VWC2L: variants seen among roughly 807,000 people sequenced by gnomAD.
The protein encoded by VWC2L is von Willebrand factor C domain containing 2 like.
In VWC2L, 10 loss-of-function variants were observed where a neutral mutation model predicts 21.6. The ratio of observed to expected loss-of-function variants is 0.46; its 90% CI spans 0.29 to 0.78. VWC2L has a LOEUF of 0.78. VWC2L is among the 30% of genes least tolerant of loss of function. The pLI is 0.10. For synonymous variants in VWC2L, 96 were observed against 94.3 expected (o/e 1.02, Z -0.10); for missense variants, 209 against 277.1 (o/e 0.75, Z 1.74).
chr2:214,524,963 A>C lies in VWC2L; in HGVS notation c.521-50709A>C, dbSNP rs1689305689. Among the ~76,000 whole-genome samples, 2 of 147,778 alleles carry C rather than the reference A, an allele frequency of 1.4e-5. 1 individual carries two copies. The highest frequency in any genetic ancestry group is 3.0e-5 in the Non-Finnish European group (2 of 67,346). On this transcript the variant is annotated intron_variant, in intron 3 of 3. Transcript: ENST00000312504. Reference sequence around the variant, plus strand: ...TTTTTTTCTTGTTTTTAGAAATGTCAAGTACAAGACAGGGCCACAGACCAA... The same window carrying C: ...TTTTTTTCTTGTTTTTAGAAATGTCCAGTACAAGACAGGGCCACAGACCAA...
chr2:214,530,607 G>A (rs1689418273), intron 3 of VWC2L, among the ~76,000 whole-genome samples: 1 of 152,096 alleles, frequency 6.6e-6, no homozygotes, highest in Non-Finnish European at 1.5e-5. Flanking sequence ...ACTAGAAGAG[G>A]AAGGAGATGG....
At chr2:214,413,035 T>C (rs1016756384) in intron 1 of VWC2L, among the ~76,000 whole-genome samples, 9 of 152,056 alleles carry the variant, frequency 5.9e-5, no homozygotes, top group African/African-American at 1.9e-4. Flanking sequence ...CTCCCAACAC[T>C]TCACATCAAG....
At chr2:214,508,493 C>A (rs953964777) in intron 3 of VWC2L, among the ~76,000 whole-genome samples, 5 of 152,146 alleles carry the variant, frequency 3.3e-5, no homozygotes, top group African/African-American at 1.2e-4. Context: ...TAGGATGATT[C>A]TAAATGATGG....
intron 3 of VWC2L, among the ~76,000 whole-genome samples, chr2:214,457,644 ATTATG>A (rs1350150584): frequency 2.6e-4 from 40 of 152,188 alleles, no homozygotes; most frequent in African/African-American, 4.6e-4. Context: ...TATGGGCTTT[ATTATG>A]TTGAGACATG....
At chr2:214,523,614 A>G (rs1384411875) in intron 3 of VWC2L, among the ~76,000 whole-genome samples, 1 of 152,114 alleles carries the variant, frequency 6.6e-6, no homozygotes, top group East Asian at 1.9e-4. Context: ...CAAGGCAGGT[A>G]GATCACTTGA....
At chr2:214,555,804 T>A (rs1028690655) in intron 3 of VWC2L, among the ~76,000 whole-genome samples, 1 of 152,328 alleles carries the variant, frequency 6.6e-6, no homozygotes, top group Middle Eastern at 3.4e-3. Flanking sequence ...TGCTCATTAG[T>A]GTATGAAGCT....
chr2:214,509,319 TTAA>T (rs1689017303), intron 3 of VWC2L, among the ~76,000 whole-genome samples: 1 of 152,250 alleles, frequency 6.6e-6, no homozygotes, highest in South Asian at 2.1e-4. Flanking sequence ...AGATTCCTAC[TTAA>T]TAAAATTTAG....
Position 214,414,313 on chromosome 2 carries a change from T to C in VWC2L, c.120T>C (p.Asn40=). 21 of 1,613,872 alleles carry C rather than the reference T, an allele frequency of 1.3e-5. No individual in the cohort carries two copies. Among genetic ancestry groups the C allele is most frequent in the Non-Finnish European group, 1.7e-5 (20 of 1,179,824 alleles). Reference sequence around the variant, plus strand: ...ATGAAGGTGACCAGATCTCCAGTAATGACAATCTGATCTTTGATGACTATC... The same window carrying C: ...ATGAAGGTGACCAGATCTCCAGTAACGACAATCTGATCTTTGATGACTATC... The part of the protein sequence containing the change: ...PADEGDQISS[N]DNLIFDDYRG... Residue 40 remains asparagine (N), a synonymous_variant, in exon 2 of 4, where the codon AAT becomes AAC. Coordinates refer to ENST00000312504, the MANE Select transcript of VWC2L (RefSeq NM_001080500.4).
At chr2:214,459,116 A>C (rs1703096992) in intron 3 of VWC2L, among the ~76,000 whole-genome samples, 1 of 152,138 alleles carries the variant, frequency 6.6e-6, no homozygotes, top group Non-Finnish European at 1.5e-5. Flanking sequence ...ACATGTGTTT[A>C]GAATTGTTAT....
At chr2:214,540,230 A>G (rs964928406) in intron 3 of VWC2L, among the ~76,000 whole-genome samples, 4 of 152,184 alleles carry the variant, frequency 2.6e-5, no homozygotes, top group Non-Finnish European at 5.9e-5. Context: ...TTGCACCATT[A>G]AAAATATTTA....
chr2:214,498,656 T>C (rs1408024855), intron 3 of VWC2L, among the ~76,000 whole-genome samples: 1 of 149,262 alleles, frequency 6.7e-6, no homozygotes, highest in African/African-American at 2.4e-5. Flanking sequence ...TTTATATGTA[T>C]ATATAATACA....
intron 2 of VWC2L, among the ~76,000 whole-genome samples, chr2:214,428,209 T>C (rs1260114553): frequency 6.6e-6 from 1 of 152,200 alleles, no homozygotes; most frequent in Non-Finnish European, 1.5e-5. Context: ...ACATATTATA[T>C]AGTTTAGTCT....
intron 3 of VWC2L, among the ~76,000 whole-genome samples, chr2:214,554,174 CTCAGT>C (rs1043670054): frequency 1.1e-4 from 16 of 152,260 alleles, no homozygotes; most frequent in African/African-American, 1.9e-4. Flanking sequence ...CTACCTCTTC[CTCAGT>C]TCAGTTAAGT....
chr2:214,559,005 A>G (rs1169708664), intron 3 of VWC2L, among the ~76,000 whole-genome samples: 1 of 149,830 alleles, frequency 6.7e-6, no homozygotes, highest in South Asian at 2.1e-4. Flanking sequence ...ATATCTCCCA[A>G]TGCTATCCCT....
At chr2:214,456,118 T>C (rs1703051112) in intron 3 of VWC2L, among the ~76,000 whole-genome samples, 1 of 152,172 alleles carries the variant, frequency 6.6e-6, no homozygotes, top group Non-Finnish European at 1.5e-5. Flanking sequence ...ATTTCTGTAC[T>C]GTTTTCAATA....
At chr2:214,436,809 A>T (rs1702685526) in intron 3 of VWC2L, 51 bp downstream of exon 3, 3 of 1,605,874 alleles carry the variant, frequency 1.9e-6, no homozygotes, top group Non-Finnish European at 2.6e-6. Context: ...CAAAATACAA[A>T]TATTTCACTA....
intron 3 of VWC2L, among the ~76,000 whole-genome samples, chr2:214,466,576 C>T (rs1174630991): frequency 1.3e-5 from 2 of 152,168 alleles, no homozygotes; most frequent in African/African-American, 4.8e-5. Context: ...ACTTTGAAAA[C>T]CCCAATTACA....
At chr2:214,538,625 T>C (rs949465614) in intron 3 of VWC2L, among the ~76,000 whole-genome samples, 130 of 149,222 alleles carry the variant, frequency 8.7e-4, no homozygotes, top group Middle Eastern at 3.6e-3. Flanking sequence ...ACATGTTTAG[T>C]ATATATTATT....
At chr2:214,470,677 G>A (rs1166304258) in intron 3 of VWC2L, among the ~76,000 whole-genome samples, 1 of 151,980 alleles carries the variant, frequency 6.6e-6, no homozygotes, top group Non-Finnish European at 1.5e-5. Flanking sequence ...GGGAGGTTGA[G>A]GCAGGTGGAT....
Sources: gnomAD v4.1 joint callset for allele counts (sites outside exome capture counted in the v4.1 genomes callset) on GRCh38, gnomAD v4.1.1 for gene constraint, MANE v1.5 for transcripts, NCBI Gene and HGNC (gene_info 2026-07-23, HGNC 2026-07-21) for gene names.